The following DPPA2 variants were observed in gnomAD, a reference collection of about 807,000 sequenced individuals.
The protein encoded by DPPA2 is developmental pluripotency associated 2.
A neutral mutation model predicts 36.2 loss-of-function variants in DPPA2; 26 were observed. The ratio of observed to expected loss-of-function variants is 0.72; its 90% CI spans 0.53 to 1.00. The LOEUF (loss-of-function observed/expected upper bound fraction) is 1.00. DPPA2 is among the 50% of genes least tolerant of loss of function. The pLI is 0.00. For synonymous variants in DPPA2, 113 were observed against 123.2 expected, an observed-to-expected ratio of 0.92 and a Z score of 0.55; for missense variants, 361 against 365.1, an observed-to-expected ratio of 0.99 and a Z score of 0.09.
At chr3:109,300,770 C>T (rs534796010) in intron 7 of DPPA2, among the ~76,000 whole-genome samples, 5 of 146,308 alleles carry the variant, frequency 3.4e-5, no homozygotes, top group African/African-American at 1.0e-4. Context: ...TGCAGTGAGC[C>T]GAGACCAAGC....
chr3:109,311,200 T>C (rs1284914863), intron 3 of DPPA2, among the ~76,000 whole-genome samples: 1 of 152,306 alleles, frequency 6.6e-6, no homozygotes, highest in East Asian at 1.9e-4. Context: ...GAATAGAACA[T>C]TATGTTGGAT....
At chr3:109,295,808 G>C (rs1204001144) in intron 8 of DPPA2, among the ~76,000 whole-genome samples, 1 of 151,972 alleles carries the variant, frequency 6.6e-6, no homozygotes, top group Non-Finnish European at 1.5e-5. Flanking sequence ...AACAGAAAAA[G>C]TGGACAAGAT....
chr3:109,315,396 G>A (rs965311529), intron 1 of DPPA2, among the ~76,000 whole-genome samples: 9 of 152,158 alleles, frequency 5.9e-5, no homozygotes, highest in Non-Finnish European at 1.2e-4. Context: ...GGTTGGAGGA[G>A]AAGGATTTGG....
chr3:109,294,663 C>CT (rs1480944327), intron 8 of DPPA2, among the ~76,000 whole-genome samples: 1 of 152,216 alleles, frequency 6.6e-6, no homozygotes, highest in Non-Finnish European at 1.5e-5. Flanking sequence ...TCTTCCCTTT[C>CT]TGCACAGAGC....
intron 7 of DPPA2, among the ~76,000 whole-genome samples, chr3:109,300,809 G>A (rs1325227192): frequency 9.2e-5 from 11 of 120,000 alleles, no homozygotes; most frequent in East Asian, 2.4e-4. Context: ...GTGACAGAGC[G>A]AGACTCAGTC....
At chr3:109,304,214 A>G (rs1707507538) in intron 7 of DPPA2, among the ~76,000 whole-genome samples, 1 of 151,866 alleles carries the variant, frequency 6.6e-6, no homozygotes, top group African/African-American at 2.4e-5. Context: ...CAGAGGTTGC[A>G]GTGAGCTGAG....
intron 8 of DPPA2, among the ~76,000 whole-genome samples, chr3:109,294,243 C>T (rs1280887622): frequency 3.3e-5 from 5 of 152,182 alleles, no homozygotes; most frequent in Admixed American, 2.6e-4. Flanking sequence ...CTAATGATAC[C>T]ATGTTTTCCA....
intron 5 of DPPA2, 30 bp from the exon 6 acceptor site, chr3:109,308,323 G>A (rs549851007): frequency 4.3e-6 from 7 of 1,610,908 alleles, no homozygotes; most frequent in Middle Eastern, 1.7e-4. Flanking sequence ...TGAGTATTCA[G>A]TAAACCGCTA....
chr3:109,314,984 T>G (rs1479200180), intron 1 of DPPA2, among the ~76,000 whole-genome samples: 2 of 152,110 alleles, frequency 1.3e-5, no homozygotes, highest in African/African-American at 2.4e-5. Flanking sequence ...GAGGACTGCT[T>G]GAGCCCAGGA....
intron 5 of DPPA2, 24 bp downstream of exon 5, chr3:109,309,002 A>G (rs376565430): frequency 5.6e-6 from 9 of 1,614,000 alleles, no homozygotes; most frequent in Non-Finnish European, 7.6e-6. Flanking sequence ...CCACCTTCAC[A>G]CCATCAACAC....
chr3:109,304,587 C>G lies in DPPA2; in HGVS notation c.742G>C (p.Ala248Pro). ...WVRLQFHAGQ[A>P]WVPTTHRRMI... ...CTCCTGTGAGTGGTAGGCACCCAGG[C>G]CTGACCTGCATGAAACTGCAGGCGT... Residue 248 changes from alanine (A) to proline (P), a missense_variant, in exon 7 of 9, where the codon GCC becomes CCC. By Grantham distance (27) the Ala-to-Pro change is conservative. Transcript: ENST00000478945. The G allele has an allele frequency of 6.2e-7, 1 of 1,614,074 alleles. No homozygotes were observed. The highest frequency in any genetic ancestry group is 8.5e-7 in the Non-Finnish European group (1 of 1,180,018).
intron 2 of DPPA2, 39 bp downstream of exon 2, chr3:109,314,471 C>A: frequency 1.9e-6 from 3 of 1,599,052 alleles, no homozygotes; most frequent in Non-Finnish European, 2.6e-6. Flanking sequence ...CTCTGAAAAG[C>A]GACTGTGAGA....
intron 8 of DPPA2, among the ~76,000 whole-genome samples, chr3:109,298,352 T>G (rs1231908327): frequency 6.6e-6 from 1 of 151,782 alleles, no homozygotes; most frequent in Non-Finnish European, 1.5e-5. Flanking sequence ...GAGCCTGAGG[T>G]GGGAGGACTG....
At chr3:109,301,745 A>G (rs999374162) in intron 7 of DPPA2, among the ~76,000 whole-genome samples, 1 of 152,082 alleles carries the variant, frequency 6.6e-6, no homozygotes. Context: ...GGAGGGAAAA[A>G]AGAGAAAGAA....
chr3:109,305,412 C>G (rs1389390913), intron 6 of DPPA2, among the ~76,000 whole-genome samples: 1 of 152,134 alleles, frequency 6.6e-6, no homozygotes, highest in Non-Finnish European at 1.5e-5. Flanking sequence ...GACTGACTTA[C>G]AGTCCATTTA....
intron 2 of DPPA2, among the ~76,000 whole-genome samples, chr3:109,313,650 T>C (rs1205670942): frequency 6.6e-6 from 1 of 152,218 alleles, no homozygotes; most frequent in African/African-American, 2.4e-5. Context: ...GGCTTGAGTA[T>C]GGTTCTGAAG....
intron 1 of DPPA2, among the ~76,000 whole-genome samples, chr3:109,315,229 T>C (rs550231315): frequency 1.3e-5 from 2 of 152,206 alleles, no homozygotes; most frequent in Non-Finnish European, 2.9e-5. Flanking sequence ...GGAAAAAAGA[T>C]TCAGAGCATT....
chr3:109,314,552 C>T lies in DPPA2; in HGVS notation c.-10G>A. 2 of 1,609,630 alleles carry T rather than the reference C, an allele frequency of 1.2e-6. No individual in the cohort carries two copies. The highest frequency in any genetic ancestry group is 1.3e-5 in the African/African-American group (1 of 75,036). On this transcript the variant is annotated 5_prime_UTR_variant, in exon 2 of 9. Transcript: ENST00000478945. ...AATTTGCATCTGACATTTTCAGCAA[C>T]ACCCTGGGGAAGGCAAGGACAGCAA... is the stretch of plus-strand genomic sequence containing the variant.
chr3:109,311,373 T>G (rs1008618204), intron 3 of DPPA2, among the ~76,000 whole-genome samples: 1 of 152,182 alleles, frequency 6.6e-6, no homozygotes, highest in Non-Finnish European at 1.5e-5. Flanking sequence ...TCACTCTGCT[T>G]AGCTCTAACC....
Sources: allele counts gnomAD v4.1 joint callset (sites outside exome capture counted in the v4.1 genomes callset), GRCh38; gene constraint gnomAD v4.1.1; transcripts MANE v1.5; gene names NCBI Gene and HGNC (gene_info 2026-07-23, HGNC 2026-07-21).